The following SFT2D1 variants were observed in gnomAD, a reference collection of about 807,000 sequenced individuals.
The protein encoded by SFT2D1 is vesicle transport protein SFT2A.
SFT2D1 carries 24 observed loss-of-function variants against 28.1 expected under a neutral mutation model. The ratio of observed to expected loss-of-function variants is 0.85; its 90% confidence interval spans 0.62 to 1.20. The LOEUF is 1.20. Among genes scored for constraint, SFT2D1 ranks in the 50% most tolerant of loss-of-function variants. SFT2D1 has a pLI of 0.00. For synonymous variants in SFT2D1, 82 were observed against 73.7 expected, an observed-to-expected ratio of 1.11 and a Z score of -0.58; for missense variants, 181 against 190.9, an observed-to-expected ratio of 0.95 and a Z score of 0.31.
chr6:166,336,354 G>A (rs1026161681), intron 1 of SFT2D1, among the ~76,000 whole-genome samples: 1 of 152,138 alleles, frequency 6.6e-6, no homozygotes, highest in African/African-American at 2.4e-5. Flanking sequence ...AATGATTGTT[G>A]GCACATCCCA....
Position 166,320,240 on chromosome 6 carries a change from A to C in SFT2D1, c.457T>G (p.Cys153Gly). ...IPYARDAVIK[C>G]CSSLLS ...TTTCAACTTAGGAGAGAAGAACAGC[A>C]TTTAATAACTGCATCCCTGGTGGAA... Residue 153 changes from cysteine (C) to glycine (G), a missense_variant, in exon 8 of 8, where the codon TGC (cysteine) becomes GGC (glycine). By Grantham distance (159) the Cys-to-Gly change is radical. Transcript: ENST00000361731. The C allele has an allele frequency of 6.2e-7, 1 of 1,611,838 alleles. No homozygotes were observed. Among genetic ancestry groups the C allele is most frequent in the South Asian group, 1.1e-5 (1 of 90,430 alleles).
In SFT2D1 at chr6:166,324,574, C is replaced by G. The variant is rs201368298; in HGVS notation, c.373G>C (p.Val125Leu). 341 of 1,613,020 alleles carry G rather than the reference C, an allele frequency of 2.1e-4. 3 individuals are homozygous for G. In the Middle Eastern group the frequency reaches 2.8e-3, roughly 13 times the overall value. Residue 125 changes from valine to leucine, a missense_variant, in exon 6 of 8, where the codon GTG becomes CTG. Transcript: ENST00000361731. ...ALWWHKKGLA[V>L]LFCILQFLSM... ...AAGAACTGCAATATGCAGAATAACA[C>G]AGCCAGTCCCTTCTTATGCCACTAA...
At chr6:166,332,206 C>T (rs970027398) in intron 1 of SFT2D1, among the ~76,000 whole-genome samples, 3 of 152,208 alleles carry the variant, frequency 2.0e-5, no homozygotes, top group Non-Finnish European at 4.4e-5. Flanking sequence ...TATGCTTCAA[C>T]ATGAAAGAAA....
chr6:166,325,384 G>A (rs1237785750), intron 5 of SFT2D1, among the ~76,000 whole-genome samples: 1 of 152,138 alleles, frequency 6.6e-6, no homozygotes, highest in Admixed American at 6.5e-5. Context: ...AAACCCATTT[G>A]GGAAATAGGT....
Position 166,326,083 on chromosome 6 carries a change from G to A in SFT2D1, c.351+49C>T, listed in dbSNP as rs751881782. The stretch of plus-strand genomic sequence containing the variant: ...ATGGTGTGATGACACGTCAGCTGGG[G>A]TGGGGGGCACACAGTTAACTGAAAG... On this transcript the variant is annotated intron_variant, in intron 5 of 7. Coordinates refer to ENST00000361731, the MANE Select transcript of SFT2D1 (RefSeq NM_145169.3). The A allele has an allele frequency of 2.6e-6, 4 of 1,544,020 alleles. No homozygotes were observed. The Admixed American group carries it at 5.1e-5, about 20-fold the overall frequency.
chr6:166,324,873 A>T (rs1399062579), intron 5 of SFT2D1, among the ~76,000 whole-genome samples: 1 of 152,192 alleles, frequency 6.6e-6, no homozygotes, highest in African/African-American at 2.4e-5. Flanking sequence ...AAAACATTAG[A>T]CTTTTAAAGG....
intron 6 of SFT2D1, 88 bp downstream of exon 6, chr6:166,324,449 G>A (rs1778408124): frequency 6.8e-6 from 9 of 1,325,788 alleles, no homozygotes; most frequent in Admixed American, 6.2e-5. Context: ...AACACCAGAC[G>A]AAATGCTAGG....
intron 4 of SFT2D1, 104 bp downstream of exon 4, chr6:166,328,166 AAAAAAT>A (rs1370448583): frequency 4.2e-6 from 2 of 474,448 alleles, no homozygotes; most frequent in South Asian, 6.7e-5. Context: ...TAATAATAAA[AAAAAAT>A]AAAAATAAAA....
intron 1 of SFT2D1, among the ~76,000 whole-genome samples, chr6:166,333,845 C>T (rs1328687494): frequency 6.6e-6 from 1 of 152,198 alleles, no homozygotes; most frequent in Non-Finnish European, 1.5e-5. Context: ...ACTTCCCCTA[C>T]TTCACACACA....
At chr6:166,334,308 C>A (rs4144888) in intron 1 of SFT2D1, among the ~76,000 whole-genome samples, 1 of 152,090 alleles carries the variant, frequency 6.6e-6, no homozygotes, top group Non-Finnish European at 1.5e-5. Context: ...ACCAAAAATA[C>A]CATAGGCCAG....
chr6:166,328,239 C>T, intron 4 of SFT2D1, 37 bp downstream of exon 4: 1 of 1,351,652 alleles, frequency 7.4e-7, no homozygotes, highest in Non-Finnish European at 1.0e-6. Flanking sequence ...GCAAAGAATA[C>T]TTCAATAAAA....
intron 1 of SFT2D1, among the ~76,000 whole-genome samples, chr6:166,340,932 T>C (rs1320757782): frequency 6.6e-6 from 1 of 152,166 alleles, no homozygotes; most frequent in East Asian, 1.9e-4. Flanking sequence ...TCCACATATC[T>C]TTCTCCCCTC....
At chr6:166,322,309 C>T (rs1158398157) in intron 7 of SFT2D1, among the ~76,000 whole-genome samples, 2 of 152,176 alleles carry the variant, frequency 1.3e-5, no homozygotes, top group Admixed American at 6.5e-5. Flanking sequence ...GGCAGCAGGG[C>T]GGGAGGATAC....
intron 1 of SFT2D1, among the ~76,000 whole-genome samples, chr6:166,336,693 C>T (rs1223222631): frequency 6.6e-6 from 1 of 152,180 alleles, no homozygotes; most frequent in Non-Finnish European, 1.5e-5. Context: ...CCGCAGCCTC[C>T]CATGTAGCTG....
chr6:166,329,574 A>C lies in SFT2D1; in HGVS notation c.166T>G (p.Trp56Gly). 6.2e-7 allele frequency: 1 copy of C among 1,606,688 alleles called. No homozygotes were observed. The highest frequency in any genetic ancestry group is 8.5e-7 in the Non-Finnish European group (1 of 1,175,200). ...FFSILGTGLL[W>G]LPGGIKLFAV... ...AAAAGCTTTATGCCGCCCGGAAGCCACAGCAATCCAGTTCCCTAAGTTAAG... is the reference window on the plus strand; with the variant it reads ...AAAAGCTTTATGCCGCCCGGAAGCCCCAGCAATCCAGTTCCCTAAGTTAAG... The change falls in exon 3 of 8, where the codon TGG becomes GGG. Residue 56 changes from tryptophan to glycine, a missense_variant. By Grantham distance (184) the Trp-to-Gly change is radical. Coordinates refer to ENST00000361731, the MANE Select transcript of SFT2D1 (RefSeq NM_145169.3).
chr6:166,336,840 G>C (rs571707666), intron 1 of SFT2D1, among the ~76,000 whole-genome samples: 23 of 152,356 alleles, frequency 1.5e-4, no homozygotes, highest in African/African-American at 5.3e-4. Context: ...AAAGTGCTGG[G>C]ATTATAGGCA....
intron 6 of SFT2D1, chr6:166,324,201 TC>T: frequency 4.6e-6 from 1 of 219,080 alleles, no homozygotes. Flanking sequence ...AAACTCATCT[TC>T]CCTTGGACTC....
At chr6:166,329,938 G>A (rs1442421668) in intron 2 of SFT2D1, among the ~76,000 whole-genome samples, 1 of 152,058 alleles carries the variant, frequency 6.6e-6, no homozygotes, top group Non-Finnish European at 1.5e-5. Flanking sequence ...TTAACACATT[G>A]ATACATTTTT....
chr6:166,334,433 A>C (rs1016452110), intron 1 of SFT2D1: 1 of 152,660 alleles, frequency 6.6e-6, no homozygotes, highest in African/African-American at 2.4e-5. Context: ...TCTCTACAAA[A>C]AATACAAATA....
Sources: gnomAD v4.1 joint callset for allele counts (sites outside exome capture counted in the v4.1 genomes callset) on GRCh38, gnomAD v4.1.1 for gene constraint, MANE v1.5 for transcripts, NCBI Gene and HGNC (gene_info 2026-07-23, HGNC 2026-07-21) for gene names.